DOK6: variants seen among roughly 807,000 people sequenced by gnomAD.
DOK6 encodes the protein downstream of tyrosine kinase 6.
DOK6 carries 22 observed loss-of-function variants against 44.0 expected under a neutral mutation model. The observed-to-expected ratio is 0.50, with a 90% CI of 0.36 to 0.71. The LOEUF is 0.71. DOK6 is among the 30% of genes least tolerant of loss of function. DOK6 has a pLI of 0.00. For missense variants in DOK6, 340 were observed against 416.4 expected (o/e 0.82, Z 1.60); for synonymous variants, 166 against 145.5 (o/e 1.14, Z -1.01).
intron 5 of DOK6, among the ~76,000 whole-genome samples, chr18:69,712,656 C>A (rs1010859325): frequency 8.5e-5 from 13 of 152,082 alleles, no homozygotes; most frequent in Non-Finnish European, 1.3e-4. Context: ...ACCAGCCTGG[C>A]CAACATGGCG....
chr18:69,563,132 A>T (rs1982879933), intron 1 of DOK6, among the ~76,000 whole-genome samples: 1 of 152,236 alleles, frequency 6.6e-6, no homozygotes, highest in African/African-American at 2.4e-5. Flanking sequence ...AATGGCGATC[A>T]TTAAAAAGTC....
intron 7 of DOK6, among the ~76,000 whole-genome samples, chr18:69,811,493 A>G (rs1182522591): frequency 1.4e-5 from 2 of 145,704 alleles, no homozygotes; most frequent in Non-Finnish European, 3.0e-5. Context: ...GAGGTAATGC[A>G]TATACTAATT....
chr18:69,546,657 C>G (rs1982413675), intron 1 of DOK6, among the ~76,000 whole-genome samples: 1 of 151,532 alleles, frequency 6.6e-6, no homozygotes, highest in Non-Finnish European at 1.5e-5. Context: ...CCTCTTAAAA[C>G]AGAGGCTGCT....
At chr18:69,786,953 C>T (rs1027780154) in intron 7 of DOK6, among the ~76,000 whole-genome samples, 28 of 152,174 alleles carry the variant, frequency 1.8e-4, no homozygotes, top group African/African-American at 6.0e-4. Context: ...TGGTGGCTCA[C>T]GCCTGTAATC....
At position 69,401,262 on chromosome 18, in the gene DOK6, CGACATA is replaced by C; in HGVS notation, c.20_25del (p.Asp7_Ile8del). The C allele has an allele frequency of 3.2e-6, 5 of 1,581,242 alleles. No individual in the cohort carries two copies. Among genetic ancestry groups the C allele is most frequent in the Non-Finnish European group, 4.3e-6 (5 of 1,164,560 alleles). Reference sequence around the variant, plus strand: ...CGCTGGCCATGGCCTCCAACTTTAACGACATAGTCAAGCAGGGCTACGTGAAAATCC... The same window carrying C: ...CGCTGGCCATGGCCTCCAACTTTAACGTCAAGCAGGGCTACGTGAAAATCC... On this transcript the variant is annotated inframe_deletion, in exon 1 of 8. Transcript: ENST00000382713.
chr18:69,513,961 C>A (rs1599167685), intron 1 of DOK6, among the ~76,000 whole-genome samples: 1 of 151,856 alleles, frequency 6.6e-6, no homozygotes, highest in South Asian at 2.1e-4. Flanking sequence ...ATACATATTA[C>A]CTCTAGTTAG....
chr18:69,443,541 G>T (rs1190929283), intron 1 of DOK6, among the ~76,000 whole-genome samples: 1 of 152,150 alleles, frequency 6.6e-6, no homozygotes, highest in Non-Finnish European at 1.5e-5. Flanking sequence ...CTATAAGAGA[G>T]TAGCAAACTG....
At chr18:69,539,398 G>GT (rs1161207048) in intron 1 of DOK6, among the ~76,000 whole-genome samples, 2 of 148,064 alleles carry the variant, frequency 1.4e-5, no homozygotes, top group African/African-American at 2.5e-5. Context: ...TAGTTCTAGA[G>GT]TTTTTTTGTG....
At chr18:69,646,824 A>C (rs1568321048) in intron 3 of DOK6, among the ~76,000 whole-genome samples, 1 of 152,094 alleles carries the variant, frequency 6.6e-6, no homozygotes, top group Admixed American at 6.6e-5. Flanking sequence ...TCTGTCCATC[A>C]AGTCTCAACA....
chr18:69,709,661 G>C (rs1986715049), intron 5 of DOK6, among the ~76,000 whole-genome samples: 1 of 151,954 alleles, frequency 6.6e-6, no homozygotes. Context: ...AATGTCTTAT[G>C]TTTTACTAAA....
chr18:69,505,558 T>C (rs1474369144), intron 1 of DOK6, among the ~76,000 whole-genome samples: 3 of 137,680 alleles, frequency 2.2e-5, no homozygotes, highest in African/African-American at 8.2e-5. Context: ...AGTGCAATGG[T>C]GTAATCTCGG....
At chr18:69,677,618 T>A in intron 3 of DOK6, 116 bp from the exon 4 acceptor site, 1 of 1,539,790 alleles carries the variant, frequency 6.5e-7, no homozygotes, top group South Asian at 1.2e-5. Context: ...TTGTTGTTTT[T>A]TTAAAGGCAG....
At position 69,750,722 on chromosome 18, in the gene DOK6, C is replaced by T. The variant is rs73455087; in HGVS notation, c.739-7034C>T. ...ACTACCCCATAGGCCAGCAATTCTACGTCTAGGTATGTACCCAAATGATTT... is the reference window on the plus strand; with the variant it reads ...ACTACCCCATAGGCCAGCAATTCTATGTCTAGGTATGTACCCAAATGATTT... On this transcript the variant is annotated intron_variant, in intron 6 of 7. Transcript: ENST00000382713. Among the ~76,000 whole-genome samples the T allele has an allele frequency of 8.9e-3, 1,362 of 152,244 alleles. 23 individuals are homozygous for T. Among genetic ancestry groups the T allele is most frequent in the African/African-American group, 0.031 (1,295 of 41,538 alleles).
chr18:69,503,356 CTGT>C (rs1981097669), intron 1 of DOK6, among the ~76,000 whole-genome samples: 1 of 152,046 alleles, frequency 6.6e-6, no homozygotes, highest in Non-Finnish European at 1.5e-5. Flanking sequence ...AACACAGAAG[CTGT>C]TGTTTCTTTG....
At chr18:69,433,329 A>G (rs529597211) in intron 1 of DOK6, among the ~76,000 whole-genome samples, 39 of 152,212 alleles carry the variant, frequency 2.6e-4, no homozygotes, top group Non-Finnish European at 4.9e-4. Flanking sequence ...ATATGTTAAA[A>G]TATCTCATTG....
intron 7 of DOK6, among the ~76,000 whole-genome samples, chr18:69,818,919 A>G (rs1268614394): frequency 6.6e-6 from 1 of 152,226 alleles, no homozygotes; most frequent in East Asian, 1.9e-4. Context: ...CCTGAAGGAT[A>G]CTTCCCATTG....
At position 69,823,722 on chromosome 18, in the gene DOK6, T is replaced by C. The variant is rs13381087; in HGVS notation, c.857-17522T>C. ...TTCTCCATTCTCTTATATCAGCATC[T>C]TCCTGGTGCCTTCCTTCTATGACTC... On this transcript the variant is annotated intron_variant, in intron 7 of 7. Transcript: ENST00000382713. Among the ~76,000 whole-genome samples, 1,253 of 152,026 alleles carry C rather than the reference T, an allele frequency of 8.2e-3. 19 individuals carry two copies. Among genetic ancestry groups the C allele is most frequent in the African/African-American group, 0.029 (1,193 of 41,474 alleles).
intron 5 of DOK6, among the ~76,000 whole-genome samples, chr18:69,726,522 G>T (rs1978308436): frequency 6.6e-6 from 1 of 152,042 alleles, no homozygotes; most frequent in Non-Finnish European, 1.5e-5. Context: ...AGTATGCCTT[G>T]CCCTGGTGAC....
intron 7 of DOK6, among the ~76,000 whole-genome samples, chr18:69,798,633 C>T (rs1199723627): frequency 6.6e-6 from 1 of 151,932 alleles, no homozygotes; most frequent in African/African-American, 2.4e-5. Flanking sequence ...AGAAGTTAAT[C>T]TTACCAGATT....
Sources: allele counts gnomAD v4.1 joint callset (sites outside exome capture counted in the v4.1 genomes callset), GRCh38; gene constraint gnomAD v4.1.1; transcripts MANE v1.5; gene names NCBI Gene and HGNC (gene_info 2026-07-23, HGNC 2026-07-21).